The following VPS8 variants were observed in gnomAD, a reference collection of about 807,000 sequenced individuals.
VPS8 encodes the protein VPS8 subunit of CORVET complex.
VPS8 carries 129 observed loss-of-function variants against 216.4 expected under a neutral mutation model. The ratio of observed to expected loss-of-function variants is 0.60; its 90% CI spans 0.52 to 0.69. The LOEUF (loss-of-function observed/expected upper bound fraction) is 0.69. Among genes scored for constraint, VPS8 ranks in the 30% least tolerant of loss-of-function variants. The pLI, the probability that VPS8 is intolerant of heterozygous loss-of-function variation, is 0.00. For missense variants in VPS8, 1,531 were observed against 1,683.5 expected (o/e 0.91, Z 1.59); for synonymous variants, 571 against 565.4 (o/e 1.01, Z -0.14).
chr3:184,948,529 CA>C (rs1744098487), intron 36 of VPS8, among the ~76,000 whole-genome samples: 1 of 151,498 alleles, frequency 6.6e-6, no homozygotes, highest in South Asian at 2.1e-4. Flanking sequence ...CTCCAAAAAA[CA>C]AAAAAGGGTC....
At chr3:184,854,653 T>C (rs1419834002) in intron 13 of VPS8, among the ~76,000 whole-genome samples, 3 of 152,228 alleles carry the variant, frequency 2.0e-5, no homozygotes, top group Non-Finnish European at 4.4e-5. Context: ...TGTTTTTACA[T>C]GGCTGCTGTG....
chr3:185,045,862 C>G (rs532271215), intron 46 of VPS8, among the ~76,000 whole-genome samples: 28 of 152,136 alleles, frequency 1.8e-4, no homozygotes, highest in African/African-American at 6.7e-4. Flanking sequence ...ACTTCCACAT[C>G]TGTGAGTCAC....
rs1161714103 is a variant in VPS8 at position 185,001,616 on chromosome 3, G to A, written c.4002+1755G>A. Among the ~76,000 whole-genome samples, 4 of 39,004 alleles carry A rather than the reference G, an allele frequency of 1.0e-4. No individual in the cohort carries two copies. In the Admixed American group the frequency reaches 1.3e-3, roughly 13 times the overall value. The allele number at this position is 39,004 out of a possible 152,430, so 25.6% of individuals were successfully genotyped here. A position where few individuals can be genotyped will look rare whatever the true frequency, so the allele number is the denominator to read the frequency against. On this transcript the variant is annotated intron_variant, in intron 45 of 47. Coordinates refer to ENST00000625842, the MANE Select transcript of VPS8 (RefSeq NM_001009921.3). ...AGGTTTTTTTTGGAGGTTTCGTTAT[G>A]TAGTCATGCCTGAAAATTATTGGTC...
At position 184,896,522 on chromosome 3, in the gene VPS8, T is replaced by A. The variant is rs147800913; in HGVS notation, c.2004+1597T>A. ...GCGTTGTCTAGGTTGCTATTTTCAT[T>A]TTTTTCCCCCACTTCCTAACTCTTC... On this transcript the variant is annotated intron_variant, in intron 23 of 47. Transcript: ENST00000625842. 6.6e-5 allele frequency among the ~76,000 whole-genome samples: 10 copies of A among 152,246 alleles called. No homozygotes were observed. In the East Asian group the frequency reaches 1.9e-3, roughly 29 times the overall value.
At position 185,052,111 on chromosome 3, in the gene VPS8, C is replaced by T. The variant is rs1177372750; in HGVS notation, c.*86C>T. Reference sequence around the variant, plus strand: ...CCCCGCCTCTGGTGGGCTTGGCCTCCACCACCTCCCACGCTTCTGAGAAGA... The same window carrying T: ...CCCCGCCTCTGGTGGGCTTGGCCTCTACCACCTCCCACGCTTCTGAGAAGA... On this transcript the variant is annotated 3_prime_UTR_variant, in exon 48 of 48. Transcript: ENST00000625842. 2.8e-6 allele frequency: 4 copies of T among 1,420,774 alleles called. No individual in the cohort carries two copies. In the Admixed American group the frequency reaches 1.0e-4, roughly 36 times the overall value. 88.0% of individuals were successfully genotyped at this position (1,420,774 alleles called of 1,614,324 possible). A position where few individuals can be genotyped will look rare whatever the true frequency, so the allele number is the denominator to read the frequency against.
intron 21 of VPS8, among the ~76,000 whole-genome samples, chr3:184,881,824 A>G (rs1161177376): frequency 1.3e-5 from 2 of 151,886 alleles, no homozygotes; most frequent in Non-Finnish European, 2.9e-5. Flanking sequence ...GGTTTTTTAG[A>G]TTTACGCCTA....
intron 1 of VPS8, among the ~76,000 whole-genome samples, chr3:184,822,898 A>G (rs1011042251): frequency 6.6e-6 from 1 of 152,214 alleles, no homozygotes; most frequent in Admixed American, 6.5e-5. Context: ...AATGTGTTTG[A>G]TAGTGTGTGT....
At chr3:184,883,618 G>A (rs1018899555) in intron 21 of VPS8, among the ~76,000 whole-genome samples, 14 of 152,094 alleles carry the variant, frequency 9.2e-5, no homozygotes, top group African/African-American at 3.4e-4. Flanking sequence ...CTCTAGTTTA[G>A]TCCACCATTT....
intron 11 of VPS8, 85 bp from the exon 12 acceptor site, chr3:184,853,772 G>A: frequency 7.2e-7 from 1 of 1,395,748 alleles, no homozygotes; most frequent in Non-Finnish European, 9.8e-7. Flanking sequence ...TAGGAGGTAG[G>A]AGGCTATGAA....
Position 185,010,601 on chromosome 3 carries a change from TA to T in VPS8, c.4002+10741del, listed in dbSNP as rs1754876285. ...AAACTACAATGTCTGAGATGAAGAA[TA>T]TACTAGATAAAATTAATAGCAGGAT... On this transcript the variant is annotated intron_variant, in intron 45 of 47. Coordinates refer to ENST00000625842, the MANE Select transcript of VPS8 (RefSeq NM_001009921.3). 3.3e-5 allele frequency among the ~76,000 whole-genome samples: 5 copies of T among 152,166 alleles called. No homozygotes were observed. In the South Asian group the frequency reaches 8.3e-4, roughly 25 times the overall value.
At chr3:184,882,864 CTTA>C (rs1386971888) in intron 21 of VPS8, among the ~76,000 whole-genome samples, 1 of 151,982 alleles carries the variant, frequency 6.6e-6, no homozygotes, top group Non-Finnish European at 1.5e-5. Context: ...ATAGTATTCC[CTTA>C]TTATCCTTTT....
intron 35 of VPS8, among the ~76,000 whole-genome samples, chr3:184,936,560 T>TGTGTGG (rs1002254750): frequency 6.7e-6 from 1 of 148,518 alleles, no homozygotes. Context: ...TGTGTGTGTG[T>TGTGTGG]GGTTGGGAGC....
rs559790534 is a variant in VPS8 at position 184,941,685 on chromosome 3, T to C, written c.3035+1442T>C. On this transcript the variant is annotated intron_variant, in intron 36 of 47. Transcript: ENST00000625842. ...TTCTCCAGAGCCTGCCCACCTCTTT[T>C]TCTGTGGCACAGTTCCCTCTTTTCC... is the stretch of plus-strand genomic sequence containing the variant. 2.6e-5 allele frequency among the ~76,000 whole-genome samples: 4 copies of C among 152,170 alleles called. No homozygotes were observed. In the East Asian group the frequency reaches 7.7e-4, roughly 29 times the overall value.
chr3:185,046,550 A>T (rs1450820152), intron 46 of VPS8, among the ~76,000 whole-genome samples: 1 of 152,148 alleles, frequency 6.6e-6, no homozygotes, highest in African/African-American at 2.4e-5. Flanking sequence ...TTATACAGGG[A>T]GCTGGTAACA....
chr3:185,017,277 G>A (rs971785198), intron 45 of VPS8, among the ~76,000 whole-genome samples: 5 of 152,116 alleles, frequency 3.3e-5, no homozygotes, highest in African/African-American at 1.2e-4. Context: ...AATTGGCCAC[G>A]TGGACGGCCA....
chr3:184,984,194 A>AG lies in VPS8; in HGVS notation c.3585+1100_3585+1101insG. 4.3e-5 allele frequency among the ~76,000 whole-genome samples: 2 copies of AG among 46,528 alleles called. 1 individual carries two copies. Among genetic ancestry groups the AG allele is most frequent in the Non-Finnish European group, 8.1e-5 (2 of 24,752 alleles). 30.5% of individuals were successfully genotyped at this position (46,528 alleles called of 152,430 possible). A position where few individuals can be genotyped will look rare whatever the true frequency, so the allele number is the denominator to read the frequency against. ...GCGAGACTCCGTCTCAAAAAAAAAAACTCTACTTCCCATCTGATATTAAGC... is the reference window on the plus strand; with the variant it reads ...GCGAGACTCCGTCTCAAAAAAAAAAAGCTCTACTTCCCATCTGATATTAAGC... On this transcript the variant is annotated intron_variant, in intron 42 of 47. Transcript: ENST00000625842.
At chr3:184,895,147 T>C (rs914820281) in intron 23 of VPS8, among the ~76,000 whole-genome samples, 29 of 152,218 alleles carry the variant, frequency 1.9e-4, no homozygotes, top group African/African-American at 7.0e-4. Flanking sequence ...AGGGATTATG[T>C]TGTCTTCTGT....
chr3:184,894,607 T>C lies in VPS8; in HGVS notation c.1782-96T>C, dbSNP rs1360374065. ...CATTTTAAATAAACTCATGAGTAAG[T>C]TGAAGTAGGGAAAAGATGAGATATA... On this transcript the variant is annotated intron_variant, in intron 22 of 47. Coordinates refer to ENST00000625842, the MANE Select transcript of VPS8 (RefSeq NM_001009921.3). 6.3e-6 allele frequency: 6 copies of C among 959,210 alleles called. 1 individual carries two copies. The highest frequency in any genetic ancestry group is 6.2e-6 in the Non-Finnish European group (4 of 648,738). 59.4% of individuals were successfully genotyped at this position (959,210 alleles called of 1,614,324 possible). A position where few individuals can be genotyped will look rare whatever the true frequency, so the allele number is the denominator to read the frequency against.
intron 36 of VPS8, 26 bp downstream of exon 36, chr3:184,940,269 A>G (rs1264487584): frequency 1.6e-6 from 1 of 633,916 alleles, no homozygotes; most frequent in Non-Finnish European, 2.2e-6. Context: ...TTAGTCTTTC[A>G]TTATATATAT....
Sources: gnomAD v4.1 joint callset for allele counts (sites outside exome capture counted in the v4.1 genomes callset) on GRCh38, gnomAD v4.1.1 for gene constraint, MANE v1.5 for transcripts, NCBI Gene and HGNC (gene_info 2026-07-23, HGNC 2026-07-21) for gene names.